Variants in ACAN observed in about 807,000 individuals in gnomAD.
ACAN encodes aggrecan.
In ACAN, 47 loss-of-function variants were observed where a neutral mutation model predicts 169.1. The ratio of observed to expected loss-of-function variants is 0.28; its 90% CI spans 0.22 to 0.35. ACAN has a LOEUF of 0.35. ACAN is among the 10% of genes least tolerant of loss of function. The probability of loss-of-function intolerance (pLI) is 1.00; values close to 1 mark genes in which losing one functional copy is unlikely to be tolerated. For synonymous variants in ACAN, 1,115 were observed against 1,112.2 expected, an observed-to-expected ratio of 1.00 and a Z score of -0.05; for missense variants, 2,716 against 2,759.9, an observed-to-expected ratio of 0.98 and a Z score of 0.36.
In ACAN at chr15:88,858,427, G is replaced by A. The variant is rs1295097415; in HGVS notation, c.5842G>A (p.Ala1948Thr). ...DRTLVESVTQ[A>T]PTAQEAGEGP... ...AACTTTGGTGGAATCTGTAACCCAG[G>A]CTCCAACAGCCCAAGAGGCAGGAGA... The change falls in exon 12 of 19, where the codon GCT becomes ACT. Residue 1948 changes from alanine (A) to threonine (T), a missense_variant. Physicochemically the swap from Ala to Thr is moderately conservative, Grantham distance 58. Around this residue, in one of 3 missense-constraint regions of ACAN, gnomAD observed 1,389 missense variants for 1,363.7 expected, o/e 1.02. Transcript: ENST00000560601. The surrounding 1 kb of genome is among the most constrained non-coding windows in gnomAD (Gnocchi z 4.0). 5.0e-6 allele frequency: 8 copies of A among 1,613,524 alleles called. No individual in the cohort carries two copies.
chr15:88,836,186 C>T lies in ACAN; in HGVS notation c.-7-14C>T. On this transcript the variant is annotated splice_polypyrimidine_tract_variant and intron_variant, in intron 1 of 18. Transcript: ENST00000560601. The stretch of plus-strand genomic sequence containing the variant: ...TTCACTGTCTAAATAACGCCTCTGC[C>T]TCCCCTCTTCCAGGTGAACTATGAC... 1 of 1,606,840 alleles carries T rather than the reference C, an allele frequency of 6.2e-7. No homozygotes were observed. Among genetic ancestry groups the T allele is most frequent in the Middle Eastern group, 1.7e-4 (1 of 5,926 alleles).
At chr15:88,819,478 G>A (rs1471758325) in intron 1 of ACAN, among the ~76,000 whole-genome samples, 1 of 151,976 alleles carries the variant, frequency 6.6e-6, no homozygotes, top group Non-Finnish European at 1.5e-5. Context: ...GAAATCTGGA[G>A]TTGGCTGGAT....
chr15:88,873,025 G>T lies in ACAN; in HGVS notation c.7447G>T (p.Val2483Leu), dbSNP rs1411069453. The change falls in exon 17 of 19, where the codon GTG becomes TTG. Residue 2483 changes from valine (V) to leucine (L), a missense_variant and splice_region_variant. Val to Leu is a conservative substitution (Grantham distance 32). Transcript: ENST00000560601. The surrounding 1 kb of genome is among the most constrained non-coding windows in gnomAD (Gnocchi z 7.5). ...HLPFTCKKGT[V>L]ACGEPPVVEH... is the part of the protein sequence containing the mutation. ...CCCCTTCACGTGTAAAAAGGGCACAGGTAAGCTGGCGCCTGGGAGGGGTCA... is the reference window on the plus strand; with the variant it reads ...CCCCTTCACGTGTAAAAAGGGCACATGTAAGCTGGCGCCTGGGAGGGGTCA... 5.0e-6 allele frequency: 8 copies of T among 1,612,402 alleles called. No homozygotes were observed. The highest frequency in any genetic ancestry group is 6.8e-6 in the Non-Finnish European group (8 of 1,179,270).
Position 88,843,261 on chromosome 15 carries a change from C to A in ACAN, c.758-94C>A. 2 of 1,302,348 alleles carry A rather than the reference C, an allele frequency of 1.5e-6. No homozygotes were observed. The highest frequency in any genetic ancestry group is 2.5e-5 in the East Asian group (1 of 39,728). The allele number at this position is 1,302,348 out of a possible 1,614,324, so 80.7% of individuals were successfully genotyped here. A position where few individuals can be genotyped will look rare whatever the true frequency, so the allele number is the denominator to read the frequency against. ...AGGACTTTGGGAAGTTAAAGGACTC[C>A]CAAGACCTCGTGGAAAAGTGTGGAT... On this transcript the variant is annotated intron_variant, in intron 5 of 18. Transcript: ENST00000560601. The surrounding 1 kb of genome is among the most constrained non-coding windows in gnomAD (Gnocchi z 4.0).
At chr15:88,852,913 T>C (rs533909869) in intron 11 of ACAN, among the ~76,000 whole-genome samples, 2 of 152,328 alleles carry the variant, frequency 1.3e-5, no homozygotes, top group East Asian at 1.9e-4. Flanking sequence ...GAGCTCCCAC[T>C]AACTCATCCA....
In ACAN at chr15:88,843,364, T is replaced by C; in HGVS notation, c.767T>C (p.Phe256Ser). The change falls in exon 6 of 19, where the codon TTT (phenylalanine) becomes TCT (serine). Residue 256 changes from phenylalanine to serine, a missense_variant. Transcript: ENST00000560601. The surrounding 1 kb of genome is among the most constrained non-coding windows in gnomAD (Gnocchi z 4.0). ...CFAEEMEGEV[F>S]YATSPEKFTF... ...GCTGTGTCCTTCACAGGTGAGGTCT[T>C]TTATGCAACATCTCCAGAGAAGTTC... 1.9e-6 allele frequency: 3 copies of C among 1,578,304 alleles called. No homozygotes were observed. Among genetic ancestry groups the C allele is most frequent in the South Asian group, 1.2e-5 (1 of 86,586 alleles).
chr15:88,804,572 T>C (rs946645143), intron 1 of ACAN, among the ~76,000 whole-genome samples: 1 of 152,140 alleles, frequency 6.6e-6, no homozygotes, highest in Non-Finnish European at 1.5e-5. Flanking sequence ...CGTCTGTGGG[T>C]TCCTCTTCAA....
chr15:88,816,582 CTGGTAAGTGGT>C (rs1895947507), intron 1 of ACAN, among the ~76,000 whole-genome samples: 1 of 152,178 alleles, frequency 6.6e-6, no homozygotes, highest in Non-Finnish European at 1.5e-5. Context: ...TGAGACATAG[CTGGTAAGTGGT>C]AGGACCAGGA....
At position 88,857,012 on chromosome 15, in the gene ACAN, T is replaced by C; in HGVS notation, c.4427T>C (p.Val1476Ala). Residue 1476 changes from valine to alanine, a missense_variant, in exon 12 of 19, where the codon GTT becomes GCT. This residue lies in a region of ACAN where 1,389 missense variants were observed against 1,363.7 expected (regional missense o/e 1.02). Coordinates refer to ENST00000560601, the MANE Select transcript of ACAN (RefSeq NM_001369268.1). ...DLSGLPSGGE[V>A]LEISVSGVED... is the part of the protein sequence containing the mutation. Reference sequence around the variant, plus strand: ...AGTGGACTTCCTTCTGGAGGAGAAGTTCTAGAGATTTCTGTCTCTGGAGTA... The same window carrying C: ...AGTGGACTTCCTTCTGGAGGAGAAGCTCTAGAGATTTCTGTCTCTGGAGTA... The C allele has an allele frequency of 6.2e-7, 1 of 1,611,124 alleles. No individual in the cohort carries two copies.
Position 88,845,806 on chromosome 15 carries a change from C to A in ACAN, c.1353C>A (p.Gly451=). 4.5e-6 allele frequency: 7 copies of A among 1,561,310 alleles called. No individual in the cohort carries two copies. The highest frequency in any genetic ancestry group is 6.1e-6 in the Non-Finnish European group (7 of 1,152,954). The part of the protein sequence containing the change: ...RPWGFPTPGL[G]PATAFTSEDL... ...GGGGCTTTCCCACACCTGGCCTGGGCCCTGCCACGGCATTCACCAGTGAGG... is the reference window on the plus strand; with the variant it reads ...GGGGCTTTCCCACACCTGGCCTGGGACCTGCCACGGCATTCACCAGTGAGG... The change falls in exon 7 of 19, where the codon GGC becomes GGA. Residue 451 remains glycine (G), a synonymous_variant. Transcript: ENST00000560601.
chr15:88,865,073 T>C (rs1897259215), intron 13 of ACAN, among the ~76,000 whole-genome samples: 1 of 152,210 alleles, frequency 6.6e-6, no homozygotes, highest in Non-Finnish European at 1.5e-5. Context: ...TGCAACTATC[T>C]CTACTCCCCT....
intron 1 of ACAN, among the ~76,000 whole-genome samples, chr15:88,805,885 G>A (rs1306171794): frequency 1.3e-5 from 2 of 151,976 alleles, no homozygotes; most frequent in African/African-American, 4.8e-5. Context: ...ACACCCACAC[G>A]CCCAATCCCA....
chr15:88,847,924 A>G lies in ACAN; in HGVS notation c.1618A>G (p.Ser540Gly). 2 of 1,613,764 alleles carry G rather than the reference A, an allele frequency of 1.2e-6. No individual in the cohort carries two copies. The highest frequency in any genetic ancestry group is 8.5e-7 in the Non-Finnish European group (1 of 1,179,774). The change falls in exon 9 of 19, where the codon AGC becomes GGC. Residue 540 changes from serine (S) to glycine (G), a missense_variant. Coordinates refer to ENST00000560601, the MANE Select transcript of ACAN (RefSeq NM_001369268.1). ...RDQTVRYPIV[S>G]PRTPCVGDKD... ...TCTCCTTTGCAGATACCCCATTGTG[A>G]GCCCCCGGACCCCATGCGTGGGTGA... is the stretch of plus-strand genomic sequence containing the variant.
At position 88,871,983 on chromosome 15, in the gene ACAN, C is replaced by T; in HGVS notation, c.7220-20C>T. The T allele has an allele frequency of 5.0e-6, 8 of 1,604,274 alleles. No individual in the cohort carries two copies. The highest frequency in any genetic ancestry group is 6.8e-6 in the Non-Finnish European group (8 of 1,170,888). On this transcript the variant is annotated intron_variant, in intron 15 of 18. Transcript: ENST00000560601. This position sits in a 1 kb window ranked among gnomAD's most constrained non-coding sequence, Gnocchi z 7.8. ...TCAGGGTGTCCAGTGTGATGCCTGA[C>T]ACCCTCACCCTTTCCCCAGACAATG...
rs959515628 is a variant in ACAN at position 88,851,434 on chromosome 15, G to A, written c.2027-360G>A. 3 of 202,658 alleles carry A rather than the reference G, an allele frequency of 1.5e-5. No homozygotes were observed. The highest frequency in any genetic ancestry group is 3.0e-5 in the Non-Finnish European group (3 of 100,750). 12.6% of individuals were successfully genotyped at this position (202,658 alleles called of 1,614,324 possible). A position where few individuals can be genotyped will look rare whatever the true frequency, so the allele number is the denominator to read the frequency against. On this transcript the variant is annotated intron_variant, in intron 10 of 18. Transcript: ENST00000560601. This position sits in a 1 kb window ranked among gnomAD's most constrained non-coding sequence, Gnocchi z 4.3. ...AAGCCATTGACTCTGGGCAAATCAT[G>A]TAACTCTGTGCCTCAGTTTCCCCAT...
At position 88,873,075 on chromosome 15, in the gene ACAN, A is replaced by C; in HGVS notation, c.7447+50A>C. 2 of 1,587,708 alleles carry C rather than the reference A, an allele frequency of 1.3e-6. No homozygotes were observed. Among genetic ancestry groups the C allele is most frequent in the Non-Finnish European group, 1.7e-6 (2 of 1,165,770 alleles). ...AGGGGAGGATAGGATCAAGACCTCC[A>C]GCTACAGGTGAGGCTCTTGCTGTGT... On this transcript the variant is annotated intron_variant, in intron 17 of 18. Transcript: ENST00000560601. The surrounding 1 kb of genome is among the most constrained non-coding windows in gnomAD (Gnocchi z 7.5).
chr15:88,842,602 C>G (rs144182192), intron 5 of ACAN, among the ~76,000 whole-genome samples: 1 of 152,156 alleles, frequency 6.6e-6, no homozygotes, highest in South Asian at 2.1e-4. Flanking sequence ...TGAGGGGCCC[C>G]GGCCAGGCTT....
chr15:88,832,088 T>G (rs1047524852), intron 1 of ACAN, among the ~76,000 whole-genome samples: 1 of 152,044 alleles, frequency 6.6e-6, no homozygotes, highest in Admixed American at 6.6e-5. Context: ...CACCTTGTGA[T>G]GGAATGAGCA....
chr15:88,866,878 G>A lies in ACAN; in HGVS notation c.6947-1338G>A, dbSNP rs1204734805. Among the ~76,000 whole-genome samples, 2 of 152,202 alleles carry A rather than the reference G, an allele frequency of 1.3e-5. No homozygotes were observed. Among genetic ancestry groups the A allele is most frequent in the African/African-American group, 2.4e-5 (1 of 41,452 alleles). On this transcript the variant is annotated intron_variant, in intron 13 of 18. Coordinates refer to ENST00000560601, the MANE Select transcript of ACAN (RefSeq NM_001369268.1). The surrounding 1 kb of genome is among the most constrained non-coding windows in gnomAD (Gnocchi z 5.6). ...CCTATTCCCACCACAGGGCTTCGCT[G>A]TCCTGCAGAGCCCACCTACAGACAT...
Sources: gnomAD v4.1 joint callset for allele counts (sites outside exome capture counted in the v4.1 genomes callset) on GRCh38, gnomAD v4.1.1 for gene constraint, gnomAD v4.1.1 regional missense constraint, Gnocchi (gnomAD v3.1) non-coding constraint, MANE v1.5 for transcripts, NCBI Gene and HGNC (gene_info 2026-07-23, HGNC 2026-07-21) for gene names.